MRTFA: variants seen among roughly 807,000 people sequenced by gnomAD.
MRTFA encodes myocardin related transcription factor A.
In MRTFA, 20 loss-of-function variants were observed where a neutral mutation model predicts 83.5. That is an observed-to-expected ratio of 0.24 (90% CI 0.17 to 0.35). MRTFA has a LOEUF of 0.35. Ranked by LOEUF, MRTFA falls within the 10% of genes least tolerant of loss-of-function variation. The pLI is 1.00. For synonymous variants in MRTFA, 659 were observed against 541.2 expected (o/e 1.22, Z -3.02); for missense variants, 1,200 against 1,224.7 (o/e 0.98, Z 0.30).
chr22:40,420,349 G>C (rs1434594164), intron 11 of MRTFA, 56 bp downstream of exon 11: 39 of 1,572,504 alleles, frequency 2.5e-5, no homozygotes, highest in Non-Finnish European at 2.6e-6. Context: ...CACCCAGACA[G>C]CCCCTGTGGG....
Position 40,531,760 on chromosome 22 carries a change from A to G in MRTFA, c.241+20346T>C, listed in dbSNP as rs557635148. 2.0e-5 allele frequency among the ~76,000 whole-genome samples: 3 copies of G among 152,284 alleles called. No homozygotes were observed. In the South Asian group the frequency reaches 6.2e-4, roughly 32 times the overall value. On this transcript the variant is annotated intron_variant, in intron 3 of 14. Transcript: ENST00000355630. ...AGATGCTTTTTCATTTCCTATCATA[A>G]AGAGAGACAGTATTTTACTATACAG...
At chr22:40,496,041 G>A (rs1015200300) in intron 3 of MRTFA, among the ~76,000 whole-genome samples, 2 of 151,406 alleles carry the variant, frequency 1.3e-5, no homozygotes, top group South Asian at 2.1e-4. Context: ...ACTCCATCCC[G>A]GGCCACAGAA....
chr22:40,612,784 C>T (rs113874957), intron 1 of MRTFA, among the ~76,000 whole-genome samples: 40 of 152,276 alleles, frequency 2.6e-4, no homozygotes, highest in African/African-American at 9.1e-4. Context: ...TCTGTCTCTA[C>T]AAAACAATGT....
intron 1 of MRTFA, among the ~76,000 whole-genome samples, chr22:40,594,989 T>C (rs1173199082): frequency 3.3e-5 from 5 of 151,734 alleles, no homozygotes; most frequent in Admixed American, 2.0e-4. Context: ...AGTACTTAAA[T>C]ATTAAAACTA....
intron 3 of MRTFA, chr22:40,533,577 T>G: frequency 8.2e-7 from 1 of 1,222,790 alleles, no homozygotes; most frequent in Non-Finnish European, 1.0e-6. Context: ...AAATTAGGAT[T>G]TATGTGAATT....
At chr22:40,427,064 C>T (rs1355833741) in intron 7 of MRTFA, among the ~76,000 whole-genome samples, 2 of 152,180 alleles carry the variant, frequency 1.3e-5, no homozygotes, top group Non-Finnish European at 2.9e-5. Context: ...ATTCTTTTAG[C>T]GCACAAGTCA....
intron 3 of MRTFA, among the ~76,000 whole-genome samples, chr22:40,464,307 A>G (rs1283491203): frequency 9.3e-6 from 1 of 107,986 alleles, no homozygotes; most frequent in Non-Finnish European, 2.0e-5. Context: ...ATGCTGTCTC[A>G]GGAAAAAAAA....
At chr22:40,436,793 G>A (rs530208068) in intron 4 of MRTFA, among the ~76,000 whole-genome samples, 114 of 152,342 alleles carry the variant, frequency 7.5e-4, no homozygotes, top group African/African-American at 2.6e-3. Context: ...TTTCCAAAGA[G>A]CTGTGAAACT....
At chr22:40,578,480 A>G (rs2147355937) in intron 2 of MRTFA, among the ~76,000 whole-genome samples, 1 of 152,316 alleles carries the variant, frequency 6.6e-6, no homozygotes, top group South Asian at 2.1e-4. Context: ...TAAGAATGAC[A>G]GAAGGGCCAG....
intron 1 of MRTFA, among the ~76,000 whole-genome samples, chr22:40,600,061 C>G (rs532421042): frequency 1.3e-5 from 2 of 149,460 alleles, no homozygotes; most frequent in Non-Finnish European, 3.0e-5. Context: ...AAGGAATAAA[C>G]TGTGGGGATT....
At chr22:40,502,877 T>C (rs1005865079) in intron 3 of MRTFA, among the ~76,000 whole-genome samples, 5 of 152,234 alleles carry the variant, frequency 3.3e-5, no homozygotes, top group African/African-American at 9.6e-5. Context: ...TTTATGAAGA[T>C]AGTCCTCTGT....
intron 1 of MRTFA, among the ~76,000 whole-genome samples, chr22:40,630,144 GCCTCTA>G (rs1194173932): frequency 2.6e-5 from 4 of 151,712 alleles, no homozygotes; most frequent in Non-Finnish European, 5.9e-5. Context: ...GTGAAACCCT[GCCTCTA>G]CTAAAAAATA....
intron 3 of MRTFA, among the ~76,000 whole-genome samples, chr22:40,486,156 A>G (rs1332626083): frequency 6.6e-6 from 1 of 152,052 alleles, no homozygotes; most frequent in Admixed American, 6.5e-5. Context: ...ATCCTGGTGT[A>G]CCTTCTTCAT....
chr22:40,434,583 G>A (rs1403932643), intron 5 of MRTFA, among the ~76,000 whole-genome samples: 2 of 152,046 alleles, frequency 1.3e-5, no homozygotes, highest in Non-Finnish European at 1.5e-5. Flanking sequence ...TTACCCAGGC[G>A]TGGTGGCGGG....
intron 2 of MRTFA, among the ~76,000 whole-genome samples, chr22:40,556,513 A>T (rs1294411411): frequency 6.6e-6 from 1 of 152,214 alleles, no homozygotes; most frequent in Non-Finnish European, 1.5e-5. Context: ...AGAAGATATA[A>T]GGGAGACAAG....
intron 4 of MRTFA, among the ~76,000 whole-genome samples, chr22:40,436,464 G>T (rs2053171474): frequency 6.6e-6 from 1 of 152,138 alleles, no homozygotes; most frequent in Non-Finnish European, 1.5e-5. Flanking sequence ...CATGGCAATT[G>T]TATGTGAAGG....
intron 3 of MRTFA, among the ~76,000 whole-genome samples, chr22:40,502,734 C>G (rs1005482123): frequency 6.6e-6 from 1 of 151,628 alleles, no homozygotes; most frequent in East Asian, 2.0e-4. Flanking sequence ...CCGCGGGGCC[C>G]GTCTGCTTCT....
At chr22:40,527,892 C>T (rs2147270471) in intron 3 of MRTFA, among the ~76,000 whole-genome samples, 1 of 152,042 alleles carries the variant, frequency 6.6e-6, no homozygotes. Context: ...GTCTTGACAG[C>T]TTGCCTCATC....
intron 3 of MRTFA, among the ~76,000 whole-genome samples, chr22:40,519,022 T>A (rs1452306322): frequency 2.6e-5 from 4 of 151,514 alleles, no homozygotes; most frequent in African/African-American, 9.7e-5. Context: ...TTGGGGTTTT[T>A]TTTTTTTGAA....
Sources: gnomAD v4.1 joint callset for allele counts (sites outside exome capture counted in the v4.1 genomes callset) on GRCh38, gnomAD v4.1.1 for gene constraint, MANE v1.5 for transcripts, NCBI Gene and HGNC (gene_info 2026-07-23, HGNC 2026-07-21) for gene names.